Variants in CCDC102B observed in about 807,000 individuals in gnomAD.
The protein encoded by CCDC102B is coiled-coil domain containing 102B, also known as coiled-coil domain-containing protein 102B.
Under a neutral mutation model 57.4 loss-of-function variants are expected in CCDC102B, and 75 were observed. The observed-to-expected ratio is 1.31, with a 90% CI of 1.08 to 1.58. CCDC102B has a LOEUF of 1.58. Ranked by LOEUF, CCDC102B falls within the 40% of genes most tolerant of loss-of-function variation. CCDC102B has a pLI of 0.00. For synonymous variants in CCDC102B, 206 were observed against 201.9 expected, an observed-to-expected ratio of 1.02 and a Z score of -0.17; for missense variants, 636 against 582.6, an observed-to-expected ratio of 1.09 and a Z score of -0.94.
At position 68,722,014 on chromosome 18, in the gene CCDC102B, G is replaced by T. The variant is rs181648367; in HGVS notation, c.-67+5420G>T. Among the ~76,000 whole-genome samples the T allele has an allele frequency of 4.6e-5, 7 of 152,334 alleles. No homozygotes were observed. In the East Asian group the frequency reaches 1.4e-3, roughly 29 times the overall value. On this transcript the variant is annotated intron_variant, in intron 2 of 3. Transcript: ENST00000578970. The stretch of plus-strand genomic sequence containing the variant: ...GGGGCAAGTACATGATACAAGGGAG[G>T]AAACAACCGAAGTAAGGGATTGTTC...
rs1261812998 is a variant in CCDC102B at position 68,752,066 on chromosome 18, C to T, written c.-67+35472C>T. ...CACGAGGTCAGGAGTTTGAGACCAG[C>T]CTGACCAACATGATGAAACCCCATC... On this transcript the variant is annotated intron_variant, in intron 2 of 3. Transcript: ENST00000578970. Among the ~76,000 whole-genome samples the T allele has an allele frequency of 2.0e-5, 3 of 152,074 alleles. No homozygotes were observed. In the South Asian group the frequency reaches 6.2e-4, roughly 31 times the overall value.
intron 2 of CCDC102B, among the ~76,000 whole-genome samples, chr18:68,765,320 GGAAGGAAAGAAAGAA>G (rs2034405238): frequency 7.9e-4 from 32 of 40,618 alleles, no homozygotes; most frequent in Non-Finnish European, 1.2e-3. Flanking sequence ...AAGGAAGGAA[GGAAGGAAAGAAAGAA>G]AGAAAGAAAG....
intron 1 of CCDC102B, chr18:68,823,230 A>T (rs1426351669): frequency 1.3e-5 from 2 of 152,208 alleles, no homozygotes; most frequent in Admixed American, 6.5e-5. Context: ...CTTAGTAAAA[A>T]CTTCAAAGAG....
chr18:68,830,921 T>C (rs1341743422), intron 1 of CCDC102B, among the ~76,000 whole-genome samples: 1 of 152,012 alleles, frequency 6.6e-6, no homozygotes, highest in East Asian at 1.9e-4. Context: ...ACAGGAATTT[T>C]ATTTTTCCAA....
At chr18:68,971,972 T>A (rs1374143420) in intron 6 of CCDC102B, among the ~76,000 whole-genome samples, 1 of 152,126 alleles carries the variant, frequency 6.6e-6, no homozygotes, top group Non-Finnish European at 1.5e-5. Flanking sequence ...GTACTTTGAC[T>A]CCTGTAAATA....
At position 68,827,800 on chromosome 18, in the gene CCDC102B, A is replaced by G. The variant is rs143317148; in HGVS notation, c.-15-8949A>G. Among the ~76,000 whole-genome samples, 1,028 of 152,088 alleles carry G rather than the reference A, an allele frequency of 6.8e-3. 12 individuals carry two copies. Among genetic ancestry groups the G allele is most frequent in the African/African-American group, 0.018 (730 of 41,560 alleles). On this transcript the variant is annotated intron_variant, in intron 1 of 7. Transcript: ENST00000360242. ...CTTAACAAGAAACTCACTTCCTCAG[A>G]TCATCAATTAAGATTGCCATCTATC...
intron 6 of CCDC102B, among the ~76,000 whole-genome samples, chr18:68,945,114 C>G (rs112741923): frequency 1.8e-4 from 12 of 68,362 alleles, no homozygotes; most frequent in Non-Finnish European, 2.7e-4. Flanking sequence ...CTCTCTGTCT[C>G]TCTCTCTCCA....
chr18:68,814,245 AGCTGT>A (rs536896076), intron 1 of CCDC102B, among the ~76,000 whole-genome samples: 130 of 152,036 alleles, frequency 8.6e-4, no homozygotes, highest in African/African-American at 3.1e-3. Context: ...GGAATTTTCT[AGCTGT>A]GCAAATTATT....
chr18:68,836,137 A>G (rs769249221), intron 1 of CCDC102B, among the ~76,000 whole-genome samples: 28 of 152,242 alleles, frequency 1.8e-4, no homozygotes, highest in Admixed American at 3.3e-4. Flanking sequence ...GTAGTGGACA[A>G]TGTTACAATA....
intron 6 of CCDC102B, among the ~76,000 whole-genome samples, chr18:68,980,421 A>G (rs753909902): frequency 3.3e-5 from 5 of 151,884 alleles, no homozygotes; most frequent in Admixed American, 6.6e-5. Context: ...TTCTATATAC[A>G]GAGCAAACTC....
chr18:69,006,396 T>TTGATTG (rs1568119724), intron 6 of CCDC102B, among the ~76,000 whole-genome samples: 1 of 6,010 alleles, frequency 1.7e-4, no homozygotes, highest in African/African-American at 2.0e-4. Context: ...CTTTGAGATT[T>TTGATTG]ATTTATTTAT....
intron 7 of CCDC102B, among the ~76,000 whole-genome samples, chr18:69,035,488 C>A (rs954740218): frequency 6.6e-6 from 1 of 151,160 alleles, no homozygotes; most frequent in African/African-American, 2.5e-5. Context: ...TTACGATAAT[C>A]TAATAGTTTC....
chr18:68,878,966 G>A (rs2039564439), intron 5 of CCDC102B, among the ~76,000 whole-genome samples: 1 of 152,116 alleles, frequency 6.6e-6, no homozygotes, highest in Admixed American at 6.5e-5. Context: ...GTCGCGTCTG[G>A]AGTTTGTTCC....
At chr18:68,944,124 C>T (rs555589379) in intron 6 of CCDC102B, among the ~76,000 whole-genome samples, 1 of 152,176 alleles carries the variant, frequency 6.6e-6, no homozygotes, top group East Asian at 1.9e-4. Context: ...TCTGCTTACA[C>T]AGGTTAACTC....
intron 6 of CCDC102B, among the ~76,000 whole-genome samples, chr18:69,009,476 A>G (rs1210972876): frequency 6.6e-6 from 1 of 152,098 alleles, no homozygotes; most frequent in Non-Finnish European, 1.5e-5. Flanking sequence ...ATTCGAATTG[A>G]TGTGCCTCTA....
chr18:69,016,509 A>G (rs2051673030), intron 7 of CCDC102B, among the ~76,000 whole-genome samples: 1 of 152,200 alleles, frequency 6.6e-6, no homozygotes. Context: ...GATAAAGGGG[A>G]AAAATCAAGT....
At chr18:68,808,694 G>A (rs968662524) in intron 1 of CCDC102B, among the ~76,000 whole-genome samples, 5 of 151,950 alleles carry the variant, frequency 3.3e-5, no homozygotes, top group Admixed American at 2.6e-4. Flanking sequence ...TAGCCAGGAT[G>A]GTCTCGATCT....
chr18:69,029,306 G>T (rs931114303), intron 7 of CCDC102B, among the ~76,000 whole-genome samples: 5 of 152,142 alleles, frequency 3.3e-5, no homozygotes. Context: ...GTTAGCAGAA[G>T]AAATCTCCAA....
intron 1 of CCDC102B, among the ~76,000 whole-genome samples, chr18:68,809,953 ATGT>A (rs1301919631): frequency 2.6e-5 from 4 of 152,310 alleles, no homozygotes; most frequent in Middle Eastern, 3.4e-3. Flanking sequence ...AGTTACTGAA[ATGT>A]TTTTAAAACT....
Sources: allele counts gnomAD v4.1 joint callset (sites outside exome capture counted in the v4.1 genomes callset), GRCh38; gene constraint gnomAD v4.1.1; transcripts MANE v1.5; gene names NCBI Gene and HGNC (gene_info 2026-07-23, HGNC 2026-07-21).